The following DOCK4 variants were observed in gnomAD, a reference collection of about 807,000 sequenced individuals.
DOCK4 encodes dedicator of cytokinesis protein 4.
A neutral mutation model predicts 268.1 loss-of-function variants in DOCK4; 97 were observed. That is an observed-to-expected ratio of 0.36 (90% CI 0.31 to 0.43). DOCK4 has a LOEUF of 0.43. Among genes scored for constraint, DOCK4 ranks in the 20% least tolerant of loss-of-function variants. DOCK4 has a pLI of 1.00. For synonymous variants in DOCK4, 954 were observed against 887.2 expected, an observed-to-expected ratio of 1.08 and a Z score of -1.34; for missense variants, 2,145 against 2,455.7, an observed-to-expected ratio of 0.87 and a Z score of 2.67.
intron 1 of DOCK4, among the ~76,000 whole-genome samples, chr7:112,042,512 G>T (rs995385768): frequency 6.6e-6 from 1 of 150,470 alleles, no homozygotes; most frequent in Non-Finnish European, 1.5e-5. Flanking sequence ...AACACATGCT[G>T]AGTAGAAGTT....
At chr7:111,744,151 T>C (rs1040175217) in intron 44 of DOCK4, among the ~76,000 whole-genome samples, 8 of 152,260 alleles carry the variant, frequency 5.3e-5, no homozygotes, top group African/African-American at 1.9e-4. Flanking sequence ...TTCCTCAGTA[T>C]GGGATGTGCA....
chr7:112,000,370 T>C (rs998157069), intron 3 of DOCK4, 124 bp downstream of exon 3: 7 of 590,140 alleles, frequency 1.2e-5, no homozygotes, highest in Middle Eastern at 9.9e-4. Context: ...ATTATAAAAA[T>C]TTGCAATATC....
chr7:112,050,934 T>C (rs2135551351), intron 1 of DOCK4, among the ~76,000 whole-genome samples: 1 of 152,256 alleles, frequency 6.6e-6, no homozygotes, highest in Admixed American at 6.5e-5. Context: ...AATGGCATTA[T>C]ACAGATAAAT....
At chr7:112,144,569 C>A (rs1345351147) in intron 1 of DOCK4, among the ~76,000 whole-genome samples, 2 of 152,206 alleles carry the variant, frequency 1.3e-5, no homozygotes, top group African/African-American at 4.8e-5. Flanking sequence ...TAGGTCAGAT[C>A]TAGGAGGACC....
intron 15 of DOCK4, among the ~76,000 whole-genome samples, chr7:111,899,802 T>C (rs1005716134): frequency 9.2e-5 from 14 of 152,178 alleles, no homozygotes; most frequent in African/African-American, 3.4e-4. Context: ...CGGGCGCCTG[T>C]AGTCCCAGCT....
rs374321852 is a variant in DOCK4, at chr7:111,960,125, G to A, written c.702-14327C>T. Among the ~76,000 whole-genome samples the A allele has an allele frequency of 6.6e-5, 10 of 151,874 alleles. No homozygotes were observed. The East Asian group carries it at 9.7e-4, about 15-fold the overall frequency. The stretch of plus-strand genomic sequence containing the variant: ...TCACGCCTGTTATCCTAGCACTTTC[G>A]GAGGCTGAGGTGGGAGGATCACGAG... On this transcript the variant is annotated intron_variant, in intron 8 of 52. Coordinates refer to ENST00000428084, the MANE Select transcript of DOCK4 (RefSeq NM_001363540.2).
chr7:111,878,366 A>G (rs1382725366), intron 16 of DOCK4, among the ~76,000 whole-genome samples: 1 of 152,230 alleles, frequency 6.6e-6, no homozygotes, highest in Non-Finnish European at 1.5e-5. Flanking sequence ...TGGATTAAAA[A>G]TAAATATGAA....
chr7:111,735,438 A>G (rs1453577929), intron 50 of DOCK4, among the ~76,000 whole-genome samples: 1 of 152,192 alleles, frequency 6.6e-6, no homozygotes, highest in African/African-American at 2.4e-5. Flanking sequence ...ACTTGCTGAG[A>G]ATTACAAATG....
chr7:111,730,417 ATCT>A (rs1054152719), intron 52 of DOCK4, among the ~76,000 whole-genome samples: 5 of 152,212 alleles, frequency 3.3e-5, no homozygotes, highest in African/African-American at 1.2e-4. Flanking sequence ...GAGAAATGCT[ATCT>A]TCTTAAGCTA....
intron 16 of DOCK4, among the ~76,000 whole-genome samples, chr7:111,881,546 C>T (rs957337315): frequency 1.3e-5 from 2 of 152,088 alleles, no homozygotes; most frequent in African/African-American, 4.8e-5. Flanking sequence ...AGAGAGCTAC[C>T]ATGTGATTTG....
At chr7:112,068,863 C>T (rs1333091107) in intron 1 of DOCK4, among the ~76,000 whole-genome samples, 1 of 152,012 alleles carries the variant, frequency 6.6e-6, no homozygotes, top group East Asian at 1.9e-4. Context: ...TCTGATTGTC[C>T]CCAAGTGCCT....
intron 10 of DOCK4, among the ~76,000 whole-genome samples, chr7:111,943,045 T>C (rs1795332252): frequency 6.6e-6 from 1 of 152,256 alleles, no homozygotes; most frequent in Non-Finnish European, 1.5e-5. Flanking sequence ...GCTGGCAGAC[T>C]AAATCTTAAC....
intron 44 of DOCK4, among the ~76,000 whole-genome samples, chr7:111,742,557 C>T (rs1585846438): frequency 2.7e-3 from 1 of 370 alleles, no homozygotes; most frequent in Non-Finnish European, 9.8e-3. Flanking sequence ...GGCACCCTCT[C>T]CCCCCACATT....
In DOCK4 at chr7:111,726,355, C is replaced by G. The variant is rs1303765143; in HGVS notation, c.*1919G>C. On this transcript the variant is annotated 3_prime_UTR_variant, in exon 53 of 53. Transcript: ENST00000428084. ...TAGTCAACAAATCTATTAAATTACA[C>G]AGGAAAAGGAAATCAAGGAAGCTTT... 2 of 152,524 alleles carry G rather than the reference C, an allele frequency of 1.3e-5. No homozygotes were observed. Among genetic ancestry groups the G allele is most frequent in the African/African-American group, 2.4e-5 (1 of 41,416 alleles). 9.4% of individuals were successfully genotyped at this position (152,524 alleles called of 1,614,324 possible).
chr7:111,907,442 G>A (rs73715300), intron 13 of DOCK4, among the ~76,000 whole-genome samples: 5 of 147,452 alleles, frequency 3.4e-5, no homozygotes, highest in African/African-American at 5.0e-5. Flanking sequence ...CTGGCAGCCC[G>A]TTGGGGGAAC....
intron 8 of DOCK4, among the ~76,000 whole-genome samples, chr7:111,950,569 T>A (rs898207402): frequency 6.6e-6 from 1 of 152,218 alleles, no homozygotes; most frequent in Admixed American, 6.5e-5. Context: ...TATTCTTAGA[T>A]GTTTGATAAG....
chr7:111,793,280 G>GA (rs2133818571), intron 30 of DOCK4, among the ~76,000 whole-genome samples: 1 of 152,316 alleles, frequency 6.6e-6, no homozygotes, highest in South Asian at 2.1e-4. Flanking sequence ...AGAGAATTTA[G>GA]AAAAACTTCC....
chr7:112,019,799 T>C (rs897988201), intron 1 of DOCK4, among the ~76,000 whole-genome samples: 3 of 152,222 alleles, frequency 2.0e-5, no homozygotes, highest in Non-Finnish European at 2.9e-5. Flanking sequence ...TTGTTCAATC[T>C]TTAAACTTTT....
intron 1 of DOCK4, among the ~76,000 whole-genome samples, chr7:112,163,339 C>T (rs1817310073): frequency 6.6e-6 from 1 of 152,030 alleles, no homozygotes; most frequent in Non-Finnish European, 1.5e-5. Context: ...AATGCCCTGG[C>T]CAACAAGGCA....
Sources: gnomAD v4.1 joint callset for allele counts (sites outside exome capture counted in the v4.1 genomes callset) on GRCh38, gnomAD v4.1.1 for gene constraint, MANE v1.5 for transcripts, NCBI Gene and HGNC (gene_info 2026-07-23, HGNC 2026-07-21) for gene names.